Variants in SPIRE1 observed in about 807,000 individuals in gnomAD.
SPIRE1 encodes the protein spire type actin nucleation factor 1.
SPIRE1 carries 40 observed loss-of-function variants against 94.1 expected under a neutral mutation model. The observed-to-expected ratio is 0.43, with a 90% CI of 0.33 to 0.55. The LOEUF (loss-of-function observed/expected upper bound fraction) is 0.55, where lower values mean the gene tolerates loss of function less well. SPIRE1 is among the 20% of genes least tolerant of loss of function. The probability of loss-of-function intolerance (pLI) is 0.06; values close to 1 mark genes in which losing one functional copy is unlikely to be tolerated. For synonymous variants in SPIRE1, 376 were observed against 371.7 expected (o/e 1.01, Z -0.13); for missense variants, 838 against 975.2 (o/e 0.86, Z 1.87).
rs1335439797 is a variant in SPIRE1 at position 12,616,772 on chromosome 18, C to A, written c.372+18290G>T. Among the ~76,000 whole-genome samples the A allele has an allele frequency of 2.6e-5, 4 of 152,284 alleles. No homozygotes were observed. The East Asian group carries it at 5.8e-4, about 22-fold the overall frequency. On this transcript the variant is annotated intron_variant, in intron 2 of 16. Transcript: ENST00000409402. ...AATCAAAAAGCTCAGGTTCTGTCATCTTATTCAGCAATGCAATACATTCAT... is the reference window on the plus strand; with the variant it reads ...AATCAAAAAGCTCAGGTTCTGTCATATTATTCAGCAATGCAATACATTCAT...
At chr18:12,524,432 A>T (rs1273147647) in intron 4 of SPIRE1, among the ~76,000 whole-genome samples, 1 of 152,214 alleles carries the variant, frequency 6.6e-6, no homozygotes, top group Non-Finnish European at 1.5e-5. Context: ...AAAATCACAA[A>T]TTGGCAAAAT....
intron 2 of SPIRE1, among the ~76,000 whole-genome samples, chr18:12,561,099 T>TAC (rs1268139678): frequency 6.6e-6 from 1 of 152,088 alleles, no homozygotes; most frequent in African/African-American, 2.4e-5. Context: ...CACAAATACA[T>TAC]ACACCTACTA....
intron 12 of SPIRE1, among the ~76,000 whole-genome samples, chr18:12,460,387 A>G (rs2143575044): frequency 6.6e-6 from 1 of 152,336 alleles, no homozygotes; most frequent in Admixed American, 6.5e-5. Context: ...CATTTTAAAC[A>G]TCACAAGAAA....
chr18:12,459,695 G>T, intron 12 of SPIRE1: 1 of 929,316 alleles, frequency 1.1e-6, no homozygotes. Flanking sequence ...AACAGTTGAG[G>T]TGTCACCGTC....
At chr18:12,658,108 G>GGCGCCCCGCC, upstream of SPIRE1, 1 of 906,524 alleles carries the variant, frequency 1.1e-6, no homozygotes. Context: ...GATGGCGTCC[G>GGCGCCCCGCC]GCGCCCCGCC....
intron 4 of SPIRE1, 54 bp downstream of exon 4, chr18:12,535,422 T>C: frequency 6.4e-7 from 1 of 1,557,948 alleles, no homozygotes; most frequent in Non-Finnish European, 8.7e-7. Flanking sequence ...CCAACAAATA[T>C]CAAATGCATG....
intron 2 of SPIRE1, among the ~76,000 whole-genome samples, chr18:12,586,137 A>G (rs2036385634): frequency 6.6e-6 from 1 of 152,184 alleles, no homozygotes; most frequent in Non-Finnish European, 1.5e-5. Context: ...TTTTTAAAAT[A>G]AAGACAGGGT....
At chr18:12,534,967 G>A (rs1439792647) in intron 4 of SPIRE1, among the ~76,000 whole-genome samples, 2 of 152,190 alleles carry the variant, frequency 1.3e-5, no homozygotes, top group Non-Finnish European at 2.9e-5. Flanking sequence ...CCTTCTGCCA[G>A]ATGCTGTGCT....
At chr18:12,489,801 T>G (rs2033167615) in intron 8 of SPIRE1, among the ~76,000 whole-genome samples, 1 of 152,210 alleles carries the variant, frequency 6.6e-6, no homozygotes, top group Admixed American at 6.5e-5. Flanking sequence ...TATACACAGT[T>G]TTCATCCTCA....
chr18:12,553,154 G>T (rs946213328), intron 2 of SPIRE1, among the ~76,000 whole-genome samples: 1 of 152,168 alleles, frequency 6.6e-6, no homozygotes, highest in Non-Finnish European at 1.5e-5. Context: ...TCCCCGCTGT[G>T]GTGGCTAAGG....
chr18:12,535,433 C>T (rs760002817), intron 4 of SPIRE1, 43 bp downstream of exon 4: 2 of 1,572,154 alleles, frequency 1.3e-6, no homozygotes, highest in Non-Finnish European at 8.7e-7. Context: ...CAAATGCATG[C>T]CAATCAAACA....
At chr18:12,450,056 C>G (rs2031154633) in intron 16 of SPIRE1, among the ~76,000 whole-genome samples, 160 bp from the exon 17 acceptor site, 1 of 152,014 alleles carries the variant, frequency 6.6e-6, no homozygotes, top group South Asian at 2.1e-4. Context: ...TTATTGGTGA[C>G]AAGGCTAAAA....
chr18:12,565,988 G>A (rs895396455), intron 2 of SPIRE1, among the ~76,000 whole-genome samples: 4 of 150,132 alleles, frequency 2.7e-5, no homozygotes, highest in Non-Finnish European at 4.4e-5. Flanking sequence ...AGCCAAGATC[G>A]TGCCATTGCA....
At chr18:12,622,768 C>A (rs1257812009) in intron 2 of SPIRE1, among the ~76,000 whole-genome samples, 1 of 152,152 alleles carries the variant, frequency 6.6e-6, no homozygotes, top group Non-Finnish European at 1.5e-5. Flanking sequence ...CTTGGCACCA[C>A]CTTGTCTTTC....
intron 4 of SPIRE1, among the ~76,000 whole-genome samples, chr18:12,525,656 T>C (rs1161254862): frequency 6.6e-6 from 1 of 152,098 alleles, no homozygotes; most frequent in Non-Finnish European, 1.5e-5. Flanking sequence ...TTCGTGACTA[T>C]ACACACGGGA....
chr18:12,553,149 G>A (rs1307776858), intron 2 of SPIRE1, among the ~76,000 whole-genome samples: 4 of 152,128 alleles, frequency 2.6e-5, no homozygotes, highest in East Asian at 1.9e-4. Flanking sequence ...CCCCTTCCCC[G>A]CTGTGGTGGC....
Position 12,463,441 on chromosome 18 carries a change from C to T in SPIRE1, c.1548G>A (p.Gln516=). ...ISSTPQPERR[Q]PPQRRHSIEK... Reference sequence around the variant, plus strand: ...CAATGGAATGTCGTCTCTGGGGTGGCTGCCGTCTCTCTGGCTGGGGTGTTG... The same window carrying T: ...CAATGGAATGTCGTCTCTGGGGTGGTTGCCGTCTCTCTGGCTGGGGTGTTG... The change falls in exon 12 of 17, where the codon CAG becomes CAA. Residue 516 remains glutamine, a synonymous_variant. Transcript: ENST00000409402. 6.2e-7 allele frequency: 1 copy of T among 1,613,940 alleles called. No homozygotes were observed. Among genetic ancestry groups the T allele is most frequent in the Non-Finnish European group, 8.5e-7 (1 of 1,179,930 alleles).
At chr18:12,471,347 T>C (rs2032350839) in intron 10 of SPIRE1, among the ~76,000 whole-genome samples, 1 of 151,882 alleles carries the variant, frequency 6.6e-6, no homozygotes, top group Non-Finnish European at 1.5e-5. Context: ...ACAAAATTTC[T>C]AAGGCCCCTT....
intron 2 of SPIRE1, among the ~76,000 whole-genome samples, chr18:12,611,153 G>C (rs1348290658): frequency 6.6e-6 from 1 of 152,022 alleles, no homozygotes; most frequent in African/African-American, 2.4e-5. Flanking sequence ...AACTTGCTAG[G>C]GTCCCACTTT....
Sources: gnomAD v4.1 joint callset for allele counts (sites outside exome capture counted in the v4.1 genomes callset) on GRCh38, gnomAD v4.1.1 for gene constraint, MANE v1.5 for transcripts, NCBI Gene and HGNC (gene_info 2026-07-23, HGNC 2026-07-21) for gene names.